Variants in KCNMA1 observed in about 807,000 individuals in gnomAD.
KCNMA1 encodes the protein potassium calcium-activated channel subfamily M alpha 1.
KCNMA1 carries 29 observed loss-of-function variants against 140.0 expected under a neutral mutation model. The ratio of observed to expected loss-of-function variants is 0.21; its 90% CI spans 0.15 to 0.28. KCNMA1 has a LOEUF of 0.28. KCNMA1 is among the 10% of genes least tolerant of loss of function. The probability of loss-of-function intolerance (pLI) is 1.00; values close to 1 mark genes in which losing one functional copy is unlikely to be tolerated. For synonymous variants in KCNMA1, 612 were observed against 611.9 expected (o/e 1.00, Z 0.00); for missense variants, 880 against 1,602.2 (o/e 0.55, Z 7.70).
intron 13 of KCNMA1, among the ~76,000 whole-genome samples, chr10:77,076,420 G>A (rs866568538): frequency 4.6e-5 from 7 of 152,198 alleles, no homozygotes; most frequent in African/African-American, 7.2e-5. Flanking sequence ...GCATGAAAGC[G>A]TTTCTCTCCA....
intron 2 of KCNMA1, among the ~76,000 whole-genome samples, chr10:77,326,512 C>T (rs527255183): frequency 5.1e-4 from 73 of 141,920 alleles, no homozygotes; most frequent in East Asian, 8.0e-4. Context: ...ATGGTGAGGA[C>T]GAGCGTGGTG....
chr10:77,054,024 C>A (rs1056947374), intron 14 of KCNMA1, among the ~76,000 whole-genome samples: 1 of 152,102 alleles, frequency 6.6e-6, no homozygotes, highest in Non-Finnish European at 1.5e-5. Flanking sequence ...TCACACTTCA[C>A]AAACCAGGGA....
At chr10:77,560,972 GACT>G (rs1341583160) in intron 1 of KCNMA1, among the ~76,000 whole-genome samples, 1 of 152,264 alleles carries the variant, frequency 6.6e-6, no homozygotes, top group South Asian at 2.1e-4. Flanking sequence ...CTAGCCCTGG[GACT>G]ACTGGAAAAA....
chr10:77,055,021 T>C (rs2095496205), intron 14 of KCNMA1, among the ~76,000 whole-genome samples: 1 of 152,092 alleles, frequency 6.6e-6, no homozygotes, highest in South Asian at 2.1e-4. Context: ...TAAAAAGCCA[T>C]GATGCTGATG....
chr10:77,329,226 A>G (rs991840290), intron 2 of KCNMA1, among the ~76,000 whole-genome samples: 4 of 152,166 alleles, frequency 2.6e-5, no homozygotes, highest in African/African-American at 4.8e-5. Flanking sequence ...CATAATGCAT[A>G]CCAGAAATAA....
chr10:77,595,485 T>C (rs930268259), intron 1 of KCNMA1, among the ~76,000 whole-genome samples: 16 of 152,190 alleles, frequency 1.1e-4, no homozygotes, highest in Non-Finnish European at 8.8e-5. Flanking sequence ...GCCCCATAGT[T>C]CTGTGACGTC....
At chr10:77,018,094 G>A (rs2092385322) in intron 17 of KCNMA1, among the ~76,000 whole-genome samples, 1 of 152,124 alleles carries the variant, frequency 6.6e-6, no homozygotes, top group Non-Finnish European at 1.5e-5. Flanking sequence ...TACAGATGAG[G>A]AAACCAAAGC....
At chr10:77,144,386 T>C (rs200591783) in intron 5 of KCNMA1, among the ~76,000 whole-genome samples, 3 of 152,186 alleles carry the variant, frequency 2.0e-5, no homozygotes, top group African/African-American at 4.8e-5. Flanking sequence ...TCTATAGTGA[T>C]TGAAGCCAAG....
chr10:77,036,405 C>G (rs1053134884), intron 15 of KCNMA1, among the ~76,000 whole-genome samples: 1 of 152,202 alleles, frequency 6.6e-6, no homozygotes, highest in African/African-American at 2.4e-5. Context: ...GAATGACTCC[C>G]CTAGCTTCTG....
intron 1 of KCNMA1, among the ~76,000 whole-genome samples, chr10:77,584,037 T>C (rs1384833327): frequency 2.6e-5 from 4 of 152,248 alleles, no homozygotes. Context: ...CTCTTTCATA[T>C]GTCATGCTTT....
At chr10:77,361,268 T>C (rs1396108723) in intron 2 of KCNMA1, among the ~76,000 whole-genome samples, 1 of 152,192 alleles carries the variant, frequency 6.6e-6, no homozygotes, top group Non-Finnish European at 1.5e-5. Context: ...TCATCATCAT[T>C]GGGGCAGACA....
intron 1 of KCNMA1, among the ~76,000 whole-genome samples, chr10:77,476,300 G>C (rs984544489): frequency 6.6e-6 from 1 of 152,222 alleles, no homozygotes; most frequent in African/African-American, 2.4e-5. Flanking sequence ...GATGGCCCCA[G>C]AAAGGGACTG....
chr10:77,613,480 C>A (rs1265531171), intron 1 of KCNMA1, among the ~76,000 whole-genome samples: 3 of 152,212 alleles, frequency 2.0e-5, no homozygotes, highest in Non-Finnish European at 4.4e-5. Flanking sequence ...CCTATCAAGG[C>A]ATTTGGGCCA....
At chr10:76,879,517 A>G (rs1367977209) in intron 29 of KCNMA1, among the ~76,000 whole-genome samples, 2 of 152,162 alleles carry the variant, frequency 1.3e-5, no homozygotes, top group African/African-American at 4.8e-5. Flanking sequence ...GAGATGATCT[A>G]CAGCTTGCCA....
intron 6 of KCNMA1, among the ~76,000 whole-genome samples, chr10:77,117,260 G>C (rs568730499): frequency 6.6e-6 from 1 of 151,984 alleles, no homozygotes; most frequent in Admixed American, 6.6e-5. Flanking sequence ...CAAAATTAGA[G>C]GAAACAGGCT....
chr10:77,430,209 C>T (rs543383515), intron 1 of KCNMA1, among the ~76,000 whole-genome samples: 40 of 152,344 alleles, frequency 2.6e-4, no homozygotes, highest in Non-Finnish European at 4.9e-4. Flanking sequence ...AATGTATCTT[C>T]ACAGGTAAGG....
intron 1 of KCNMA1, among the ~76,000 whole-genome samples, chr10:77,606,849 G>A (rs1456980866): frequency 6.6e-6 from 1 of 152,064 alleles, no homozygotes; most frequent in African/African-American, 2.4e-5. Flanking sequence ...CAGGCACCTT[G>A]ACACCATACA....
rs4444017 is a variant in KCNMA1 at position 77,619,342 on chromosome 10, C to T, written c.378+17923G>A. 2.1e-3 allele frequency among the ~76,000 whole-genome samples: 65 copies of T among 31,118 alleles called. 1 individual carries two copies. The highest frequency in any genetic ancestry group is 5.9e-3 in the African/African-American group (12 of 2,026). 20.4% of individuals were successfully genotyped at this position (31,118 alleles called of 152,430 possible). A position where few individuals can be genotyped will look rare whatever the true frequency, so the allele number is the denominator to read the frequency against. The stretch of plus-strand genomic sequence containing the variant: ...TCTCTCTCTCTCTCTCTCTCTCTCT[C>T]TCTCGTATGCCCACGCACATGCTTC... On this transcript the variant is annotated intron_variant, in intron 1 of 27. Coordinates refer to ENST00000286628, the MANE Select transcript of KCNMA1 (RefSeq NM_001161352.2).
chr10:77,323,655 AAG>A (rs1228538379), intron 2 of KCNMA1, among the ~76,000 whole-genome samples: 1 of 152,208 alleles, frequency 6.6e-6, no homozygotes, highest in African/African-American at 2.4e-5. Context: ...AGGGAGAGCA[AAG>A]AGTGCTAATT....
Sources: gnomAD v4.1 joint callset for allele counts (sites outside exome capture counted in the v4.1 genomes callset) on GRCh38, gnomAD v4.1.1 for gene constraint, MANE v1.5 for transcripts, NCBI Gene and HGNC (gene_info 2026-07-23, HGNC 2026-07-21) for gene names.